The following RAB2A variants were observed in gnomAD, a reference collection of about 807,000 sequenced individuals.
RAB2A encodes ras-related protein Rab-2A.
A neutral mutation model predicts 32.5 loss-of-function variants in RAB2A; 7 were observed. The observed-to-expected ratio is 0.22, with a 90% confidence interval of 0.12 to 0.40. The LOEUF is 0.40. RAB2A is among the 10% of genes least tolerant of loss of function. The pLI is 1.00. For missense variants in RAB2A, 108 were observed against 260.7 expected (o/e 0.41, Z 4.03); for synonymous variants, 79 against 85.2 (o/e 0.93, Z 0.40).
chr8:60,526,307 G>A (rs1411851270), intron 1 of RAB2A, among the ~76,000 whole-genome samples: 2 of 151,896 alleles, frequency 1.3e-5, no homozygotes, highest in Admixed American at 6.6e-5. Flanking sequence ...AGCTTTTCCC[G>A]ACTTCTAGAG....
At chr8:60,605,078 A>G (rs77785732) in intron 6 of RAB2A, among the ~76,000 whole-genome samples, 1 of 151,926 alleles carries the variant, frequency 6.6e-6, no homozygotes, top group African/African-American at 2.4e-5. Flanking sequence ...GGGCCCCACC[A>G]CCCTGCACAG....
At chr8:60,590,097 G>C (rs750478597) in intron 5 of RAB2A, among the ~76,000 whole-genome samples, 1 of 151,948 alleles carries the variant, frequency 6.6e-6, no homozygotes, top group Non-Finnish European at 1.5e-5. Flanking sequence ...GAGTAGCTGG[G>C]ATTACAGGCA....
At chr8:60,571,250 A>G (rs1457361058) in intron 2 of RAB2A, among the ~76,000 whole-genome samples, 1 of 152,212 alleles carries the variant, frequency 6.6e-6, no homozygotes. Context: ...TAGTAAGTTG[A>G]AAAATGTATG....
chr8:60,574,077 A>G (rs958103347), intron 3 of RAB2A, among the ~76,000 whole-genome samples: 1 of 152,182 alleles, frequency 6.6e-6, no homozygotes, highest in African/African-American at 2.4e-5. Context: ...CAATAAACAT[A>G]TTTTTCATTC....
intron 2 of RAB2A, among the ~76,000 whole-genome samples, chr8:60,560,748 GT>G (rs56360493): frequency 4.0e-4 from 58 of 144,322 alleles, no homozygotes; most frequent in Admixed American, 3.4e-4. Flanking sequence ...TTTGTTTTTT[GT>G]TTTTTTTTTT....
At chr8:60,583,969 T>C (rs1586097237) in intron 3 of RAB2A, 2 of 355,252 alleles carry the variant, frequency 5.6e-6, no homozygotes, top group East Asian at 9.8e-5. Context: ...TTAGAGGTCT[T>C]GCGGGCTGGG....
chr8:60,528,271 CTT>C lies in RAB2A; in HGVS notation c.46+11020_46+11021del, dbSNP rs151301771. On this transcript the variant is annotated intron_variant, in intron 1 of 7. Coordinates refer to ENST00000262646, the MANE Select transcript of RAB2A (RefSeq NM_002865.3). ...GGCAACCCATTTGATCTTTCTGAGT[CTT>C]TGTGTCGTTATCTATAAAATGGGAA... Among the ~76,000 whole-genome samples the C allele has an allele frequency of 5.0e-3, 764 of 152,286 alleles. 8 individuals are homozygous for C. Among genetic ancestry groups the C allele is most frequent in the African/African-American group, 0.017 (717 of 41,568 alleles).
chr8:60,576,384 A>G (rs889976389), intron 3 of RAB2A: 5 of 420,560 alleles, frequency 1.2e-5, no homozygotes, highest in African/African-American at 4.2e-5. Flanking sequence ...CTTGCCTTCT[A>G]TTCCTCTTTC....
chr8:60,614,920 TG>T lies in RAB2A; in HGVS notation c.475-3656del, dbSNP rs554516258. ...TTACTGCAACAGAGCACCGGCCACA[TG>T]GGGAAGCAGGAGGACCACCAAATTC... is the stretch of plus-strand genomic sequence containing the variant. On this transcript the variant is annotated intron_variant, in intron 6 of 7. Transcript: ENST00000262646. Among the ~76,000 whole-genome samples, 105 of 152,282 alleles carry T rather than the reference TG, an allele frequency of 6.9e-4. 1 individual carries two copies. Among genetic ancestry groups the T allele is most frequent in the Admixed American group, 3.8e-3 (58 of 15,286 alleles).
intron 1 of RAB2A, among the ~76,000 whole-genome samples, chr8:60,521,459 C>T (rs1488403224): frequency 6.6e-6 from 1 of 152,184 alleles, no homozygotes; most frequent in Non-Finnish European, 1.5e-5. Flanking sequence ...GAAAAATTCT[C>T]ATGATATGAA....
At chr8:60,527,926 G>A (rs186877454) in intron 1 of RAB2A, among the ~76,000 whole-genome samples, 1 of 152,278 alleles carries the variant, frequency 6.6e-6, no homozygotes, top group African/African-American at 2.4e-5. Context: ...CATTTTATAG[G>A]TGAGGAAAGG....
chr8:60,619,684 C>G (rs1293643454), intron 7 of RAB2A, among the ~76,000 whole-genome samples: 1 of 152,150 alleles, frequency 6.6e-6, no homozygotes, highest in Admixed American at 6.5e-5. Flanking sequence ...ATAAATTGAA[C>G]AGTAATTGGG....
intron 1 of RAB2A, among the ~76,000 whole-genome samples, chr8:60,528,183 A>G (rs1047722956): frequency 1.3e-5 from 2 of 152,228 alleles, no homozygotes; most frequent in Non-Finnish European, 2.9e-5. Flanking sequence ...AATAGTGCAG[A>G]ACTATCCTAT....
At chr8:60,528,021 A>G (rs1807419266) in intron 1 of RAB2A, among the ~76,000 whole-genome samples, 1 of 152,152 alleles carries the variant, frequency 6.6e-6, no homozygotes, top group African/African-American at 2.4e-5. Flanking sequence ...TCGGACTCCA[A>G]AGTTCATGCT....
intron 6 of RAB2A, among the ~76,000 whole-genome samples, chr8:60,611,164 T>C (rs1484607850): frequency 6.6e-6 from 1 of 152,218 alleles, no homozygotes; most frequent in Non-Finnish European, 1.5e-5. Flanking sequence ...GTCATTGCTC[T>C]GGACTCCTCA....
chr8:60,528,875 T>C (rs1807433371), intron 1 of RAB2A, among the ~76,000 whole-genome samples: 2 of 152,072 alleles, frequency 1.3e-5, no homozygotes, highest in Non-Finnish European at 2.9e-5. Context: ...TGTGCTTGGC[T>C]CCTGGTAATG....
intron 6 of RAB2A, among the ~76,000 whole-genome samples, chr8:60,594,132 A>G (rs1803985957): frequency 6.6e-6 from 1 of 152,208 alleles, no homozygotes; most frequent in Non-Finnish European, 1.5e-5. Context: ...GACTTATAGG[A>G]CTGTAACAAA....
chr8:60,595,824 T>C (rs1206754903), intron 6 of RAB2A, among the ~76,000 whole-genome samples: 2 of 152,328 alleles, frequency 1.3e-5, no homozygotes, highest in Admixed American at 1.3e-4. Context: ...ATAGACCGTG[T>C]CCTGGGCCAT....
intron 1 of RAB2A, chr8:60,551,837 G>A (rs1807852390): frequency 6.7e-6 from 1 of 148,752 alleles, no homozygotes; most frequent in Non-Finnish European, 1.5e-5. Context: ...AGGACTACAA[G>A]ATGTGCTACC....
Sources: allele counts gnomAD v4.1 joint callset (sites outside exome capture counted in the v4.1 genomes callset), GRCh38; gene constraint gnomAD v4.1.1; transcripts MANE v1.5; gene names NCBI Gene and HGNC (gene_info 2026-07-23, HGNC 2026-07-21).